RBBP4: variants seen among roughly 807,000 people sequenced by gnomAD.
RBBP4 encodes the protein RB binding protein 4, chromatin remodeling factor, also known as histone-binding protein RBBP4.
A neutral mutation model predicts 57.2 loss-of-function variants in RBBP4; 3 were observed. That is an observed-to-expected ratio of 0.05 (90% CI 0.02 to 0.14). The LOEUF is 0.14. RBBP4 is among the 10% of genes least tolerant of loss of function. RBBP4 has a pLI of 1.00. For synonymous variants in RBBP4, 151 were observed against 171.5 expected, an observed-to-expected ratio of 0.88 and a Z score of 0.93; for missense variants, 107 against 520.6, an observed-to-expected ratio of 0.21 and a Z score of 7.73.
intron 2 of RBBP4, among the ~76,000 whole-genome samples, chr1:32,656,864 T>TA (rs1341572564): frequency 1.3e-5 from 2 of 152,328 alleles, no homozygotes; most frequent in African/African-American, 4.8e-5. Context: ...TAAGCAAAAT[T>TA]ATTAGCATAC....
At chr1:32,653,818 CT>C (rs1195257942) in intron 2 of RBBP4, among the ~76,000 whole-genome samples, 4 of 151,812 alleles carry the variant, frequency 2.6e-5, no homozygotes, top group Admixed American at 1.3e-4. Flanking sequence ...GCCACTACCC[CT>C]GGCTAATTTT....
Position 32,669,661 on chromosome 1 carries a change from C to T in RBBP4, c.966+98C>T, listed in dbSNP as rs541022949. 13 of 1,453,732 alleles carry T rather than the reference C, an allele frequency of 8.9e-6. No individual in the cohort carries two copies. In the African/African-American group the frequency reaches 1.1e-4, roughly 13 times the overall value. The allele number at this position is 1,453,732 out of a possible 1,614,324, so 90.1% of individuals were successfully genotyped here. On this transcript the variant is annotated intron_variant, in intron 8 of 11. Coordinates refer to ENST00000373493, the MANE Select transcript of RBBP4 (RefSeq NM_005610.3). This position sits in a 1 kb window ranked among gnomAD's most constrained non-coding sequence, Gnocchi z 4.9. ...ATCCCAGCACTTTGGGAGGCTGAAG[C>T]GGGCGGATCACAAGGTCAGGAGATC...
rs767603812 is a variant in RBBP4, at chr1:32,682,890, T to C, written c.*3185T>C. 1.3e-5 allele frequency: 2 copies of C among 152,236 alleles called. No individual in the cohort carries two copies. The highest frequency in any genetic ancestry group is 2.9e-5 in the Non-Finnish European group (2 of 68,042). The allele number at this position is 152,236 out of a possible 1,614,324, so 9.4% of individuals were successfully genotyped here. ...TATCCTTAGTTTCTTTCACGGACTC[T>C]AGAACTTTTATCAGAATATACTGGT... On this transcript the variant is annotated 3_prime_UTR_variant, in exon 12 of 12. Transcript: ENST00000373493.
chr1:32,651,830 T>G (rs922714382), intron 1 of RBBP4, 84 bp from the exon 2 acceptor site: 2 of 1,413,992 alleles, frequency 1.4e-6, no homozygotes, highest in Non-Finnish European at 1.9e-6. Context: ...ATGGTTAGGC[T>G]GTAGGAGTCA....
chr1:32,683,986 C>T lies in RBBP4; in HGVS notation c.*4281C>T, dbSNP rs113064014. The T allele has an allele frequency of 1.1e-5, 17 of 1,606,742 alleles. No homozygotes were observed. Among genetic ancestry groups the T allele is most frequent in the African/African-American group, 9.4e-5 (7 of 74,834 alleles). Reference sequence around the variant, plus strand: ...AGGAAAGCAGTAACAATGCAAACACCACTCTTCTCTTCACAAAGATCACCT... The same window carrying T: ...AGGAAAGCAGTAACAATGCAAACACTACTCTTCTCTTCACAAAGATCACCT... On this transcript the variant is annotated 3_prime_UTR_variant, in exon 12 of 12. Coordinates refer to ENST00000373493, the MANE Select transcript of RBBP4 (RefSeq NM_005610.3).
intron 3 of RBBP4, among the ~76,000 whole-genome samples, chr1:32,666,982 A>T (rs911053591): frequency 6.6e-6 from 1 of 152,248 alleles, no homozygotes; most frequent in Non-Finnish European, 1.5e-5. Context: ...TCACGCCCGC[A>T]TAAGGGCCAC....
In RBBP4 at chr1:32,684,093, TAAAA is replaced by T; in HGVS notation, c.*4390_*4393del. 1 of 1,609,448 alleles carries T rather than the reference TAAAA, an allele frequency of 6.2e-7. No homozygotes were observed. The highest frequency in any genetic ancestry group is 1.1e-5 in the South Asian group (1 of 90,894). ...GCTCTTGGGTAGTAGCATAGCCCTT[TAAAA>T]AGAGAGAGCCATTTTCCATGTGTTT... On this transcript the variant is annotated 3_prime_UTR_variant, in exon 12 of 12. Transcript: ENST00000373493.
intron 8 of RBBP4, among the ~76,000 whole-genome samples, chr1:32,671,603 AC>A (rs1648877800): frequency 6.6e-6 from 1 of 151,620 alleles, no homozygotes; most frequent in Admixed American, 6.6e-5. Context: ...CATGGCACAC[AC>A]CTCCAGCTAC....
At position 32,681,517 on chromosome 1, in the gene RBBP4, C is replaced by T; in HGVS notation, c.*1812C>T. Reference sequence around the variant, plus strand: ...CAAGATACATTCTTTAAAATACTCCCAGATGTGTCCATACATTCATCCTTC... The same window carrying T: ...CAAGATACATTCTTTAAAATACTCCTAGATGTGTCCATACATTCATCCTTC... On this transcript the variant is annotated 3_prime_UTR_variant, in exon 12 of 12. Coordinates refer to ENST00000373493, the MANE Select transcript of RBBP4 (RefSeq NM_005610.3). 2.9e-6 allele frequency: 1 copy of T among 348,146 alleles called. No individual in the cohort carries two copies. Among genetic ancestry groups the T allele is most frequent in the East Asian group, 5.0e-5 (1 of 20,090 alleles). 21.6% of individuals were successfully genotyped at this position (348,146 alleles called of 1,614,324 possible).
intron 2 of RBBP4, among the ~76,000 whole-genome samples, 173 bp from the exon 3 acceptor site, chr1:32,657,254 C>G (rs748187749): frequency 5.3e-5 from 8 of 151,954 alleles, no homozygotes; most frequent in Non-Finnish European, 1.2e-4. Context: ...CTAGCCTGGG[C>G]GAAAGAGTGA....
chr1:32,684,019 G>C lies in RBBP4; in HGVS notation c.*4314G>C. On this transcript the variant is annotated 3_prime_UTR_variant, in exon 12 of 12. Coordinates refer to ENST00000373493, the MANE Select transcript of RBBP4 (RefSeq NM_005610.3). ...TCTTCACAAAGATCACCTTGAGACT[G>C]TGTCTCCATTCCACCTGCCTGAGAA... 1 of 1,614,030 alleles carries C rather than the reference G, an allele frequency of 6.2e-7. No individual in the cohort carries two copies. Among genetic ancestry groups the C allele is most frequent in the Non-Finnish European group, 8.5e-7 (1 of 1,179,892 alleles).
intron 1 of RBBP4, chr1:32,651,701 C>G: frequency 1.3e-6 from 1 of 778,224 alleles, no homozygotes; most frequent in African/African-American, 1.8e-5. Flanking sequence ...TGGCTGGCCC[C>G]TTGGCCTGGA....
chr1:32,663,285 T>C (rs575824801), intron 3 of RBBP4, among the ~76,000 whole-genome samples: 1 of 152,290 alleles, frequency 6.6e-6, no homozygotes, highest in Non-Finnish European at 1.5e-5. Context: ...CTTTACTATA[T>C]CATGTTATAC....
Position 32,684,075 on chromosome 1 carries a change from G to C in RBBP4, c.*4370G>C. On this transcript the variant is annotated 3_prime_UTR_variant, in exon 12 of 12. Coordinates refer to ENST00000373493, the MANE Select transcript of RBBP4 (RefSeq NM_005610.3). Reference sequence around the variant, plus strand: ...AGCATCAGCCTGTTCCAGGCTCTTGGGTAGTAGCATAGCCCTTTAAAAAGA... The same window carrying C: ...AGCATCAGCCTGTTCCAGGCTCTTGCGTAGTAGCATAGCCCTTTAAAAAGA... 6.2e-7 allele frequency: 1 copy of C among 1,613,692 alleles called. No homozygotes were observed. The highest frequency in any genetic ancestry group is 8.5e-7 in the Non-Finnish European group (1 of 1,180,010).
intron 11 of RBBP4, chr1:32,673,424 A>G (rs890922353): frequency 5.1e-6 from 2 of 388,692 alleles, no homozygotes; most frequent in Non-Finnish European, 9.7e-6. Flanking sequence ...GAATGTGAAC[A>G]CCCTCCTTAA....
intron 11 of RBBP4, among the ~76,000 whole-genome samples, chr1:32,673,802 A>T (rs1648976991): frequency 6.6e-6 from 1 of 152,134 alleles, no homozygotes; most frequent in Non-Finnish European, 1.5e-5. Context: ...TAATATTTTT[A>T]AAATAGTTAT....
At chr1:32,670,402 G>A (rs1160352643) in intron 8 of RBBP4, among the ~76,000 whole-genome samples, 3 of 151,970 alleles carry the variant, frequency 2.0e-5, no homozygotes, top group African/African-American at 7.3e-5. Flanking sequence ...TTATTGGAAC[G>A]CTAAGCATGT....
chr1:32,680,483 AAAATT>A lies in RBBP4; in HGVS notation c.*786_*790del, dbSNP rs780786383. ...GAATCAATAACTTGTATTTGTTTTAAAAATTAAATTAATCCTTGATAAGAGTTGCT... is the reference window on the plus strand; with the variant it reads ...GAATCAATAACTTGTATTTGTTTTAAAAATTAATCCTTGATAAGAGTTGCT... On this transcript the variant is annotated 3_prime_UTR_variant, in exon 12 of 12. Coordinates refer to ENST00000373493, the MANE Select transcript of RBBP4 (RefSeq NM_005610.3). 354 of 1,540,968 alleles carry A rather than the reference AAAATT, an allele frequency of 2.3e-4. No homozygotes were observed. The highest frequency in any genetic ancestry group is 2.8e-4 in the Non-Finnish European group (319 of 1,143,508).
rs1265144077 is a variant in RBBP4 at position 32,679,669 on chromosome 1, T to C, written c.1242T>C (p.Pro414=). 6.2e-7 allele frequency: 1 copy of C among 1,604,918 alleles called. No homozygotes were observed. The highest frequency in any genetic ancestry group is 8.5e-7 in the Non-Finnish European group (1 of 1,177,476). ...MAENIYNDED[P]EGSVDPEGQG... ...AGAACATTTATAATGATGAAGACCC[T>C]GAAGGAAGCGTGGATCCAGAAGGAC... The change falls in exon 12 of 12, where the codon CCT becomes CCC. Residue 414 remains proline (P), a synonymous_variant. Transcript: ENST00000373493.
Sources: allele counts gnomAD v4.1 joint callset (sites outside exome capture counted in the v4.1 genomes callset), GRCh38; gene constraint gnomAD v4.1.1; non-coding constraint Gnocchi (gnomAD v3.1); transcripts MANE v1.5; gene names NCBI Gene and HGNC (gene_info 2026-07-23, HGNC 2026-07-21).